Variants in SUSD1 observed in about 807,000 individuals in gnomAD.
The protein encoded by SUSD1 is sushi domain-containing protein 1.
SUSD1 carries 65 observed loss-of-function variants against 86.9 expected under a neutral mutation model. The ratio of observed to expected loss-of-function variants is 0.75; its 90% CI spans 0.61 to 0.92. SUSD1 has a LOEUF of 0.92. Among genes scored for constraint, SUSD1 ranks in the 40% least tolerant of loss-of-function variants. SUSD1 has a pLI of 0.00. For missense variants in SUSD1, 850 were observed against 929.7 expected (o/e 0.91, Z 1.11); for synonymous variants, 346 against 350.0 (o/e 0.99, Z 0.13).
chr9:112,174,851 G>C (rs1834200210), intron 1 of SUSD1, among the ~76,000 whole-genome samples: 2 of 151,930 alleles, frequency 1.3e-5, no homozygotes, highest in Non-Finnish European at 2.9e-5. Context: ...CCCGCCTCCT[G>C]GGCAGTGGAG....
chr9:112,155,767 C>G (rs946366496), intron 2 of SUSD1, among the ~76,000 whole-genome samples: 1 of 151,416 alleles, frequency 6.6e-6, no homozygotes, highest in Non-Finnish European at 1.5e-5. Context: ...CTCAAGACCA[C>G]CCCGGGCAAT....
At chr9:112,089,344 T>C (rs1428520538) in intron 10 of SUSD1, among the ~76,000 whole-genome samples, 1 of 150,030 alleles carries the variant, frequency 6.7e-6, no homozygotes, top group Non-Finnish European at 1.5e-5. Flanking sequence ...TAGGATGGAG[T>C]TGAAACTATA....
intron 15 of SUSD1, among the ~76,000 whole-genome samples, chr9:112,047,610 T>G (rs1028197506): frequency 1.3e-5 from 2 of 152,178 alleles, no homozygotes; most frequent in African/African-American, 4.8e-5. Context: ...TGGGAACTAT[T>G]TGGGTCATGG....
At chr9:112,139,590 A>G (rs1415411431) in intron 5 of SUSD1, among the ~76,000 whole-genome samples, 1 of 151,942 alleles carries the variant, frequency 6.6e-6, no homozygotes, top group East Asian at 1.9e-4. Flanking sequence ...GACTATAGGC[A>G]TGCACCACCA....
At chr9:112,111,182 T>G (rs1183427030) in intron 8 of SUSD1, among the ~76,000 whole-genome samples, 1 of 152,112 alleles carries the variant, frequency 6.6e-6, no homozygotes, top group Non-Finnish European at 1.5e-5. Context: ...TCAGTAGAGA[T>G]AAGGTTTTGC....
At chr9:112,102,587 T>G (rs1353696498) in intron 8 of SUSD1, among the ~76,000 whole-genome samples, 1 of 152,176 alleles carries the variant, frequency 6.6e-6, no homozygotes, top group East Asian at 1.9e-4. Flanking sequence ...TGCTATAAAT[T>G]AATAAAGAAA....
intron 5 of SUSD1, among the ~76,000 whole-genome samples, chr9:112,129,102 C>T (rs1831905373): frequency 6.6e-6 from 1 of 151,906 alleles, no homozygotes; most frequent in Non-Finnish European, 1.5e-5. Flanking sequence ...AGCAGTAGTC[C>T]AACAGAGAGA....
intron 11 of SUSD1, 98 bp downstream of exon 11, chr9:112,079,976 A>T: frequency 1.2e-6 from 1 of 813,800 alleles, no homozygotes; most frequent in Non-Finnish European, 2.1e-6. Flanking sequence ...GTCTACTGAT[A>T]ATGATAGTTA....
At chr9:112,097,276 A>T (rs576329262) in intron 10 of SUSD1, among the ~76,000 whole-genome samples, 18 of 152,024 alleles carry the variant, frequency 1.2e-4, no homozygotes, top group African/African-American at 4.3e-4. Context: ...CAGTGAGCCA[A>T]GATGGCACCT....
intron 10 of SUSD1, among the ~76,000 whole-genome samples, chr9:112,092,076 T>C (rs1830227288): frequency 6.6e-6 from 1 of 152,214 alleles, no homozygotes; most frequent in Non-Finnish European, 1.5e-5. Flanking sequence ...AATTGCTCCC[T>C]GGGTACTTAT....
intron 15 of SUSD1, among the ~76,000 whole-genome samples, chr9:112,049,572 T>A (rs1828101955): frequency 6.6e-6 from 1 of 152,220 alleles, no homozygotes; most frequent in Non-Finnish European, 1.5e-5. Flanking sequence ...GTAAATAGCA[T>A]AATTTGTCAC....
chr9:112,096,496 T>C (rs3849120), intron 10 of SUSD1, among the ~76,000 whole-genome samples: 63,722 of 151,984 alleles, frequency 0.42, 13,580 homozygotes, highest in East Asian at 0.55. Flanking sequence ...GGGGACTTCA[T>C]GCCTTTACAT....
intron 5 of SUSD1, among the ~76,000 whole-genome samples, chr9:112,128,787 CA>C (rs1831889648): frequency 6.6e-6 from 1 of 152,050 alleles, no homozygotes; most frequent in South Asian, 2.1e-4. Flanking sequence ...AGAACCAATG[CA>C]AAGACCCTGA....
intron 5 of SUSD1, among the ~76,000 whole-genome samples, chr9:112,133,006 A>G (rs559759211): frequency 2.0e-5 from 3 of 152,248 alleles, no homozygotes; most frequent in Non-Finnish European, 2.9e-5. Flanking sequence ...GGCTGGGCGC[A>G]GTAGCTCACT....
At chr9:112,154,132 G>A (rs1396605364) in intron 2 of SUSD1, among the ~76,000 whole-genome samples, 1 of 151,926 alleles carries the variant, frequency 6.6e-6, no homozygotes, top group Non-Finnish European at 1.5e-5. Flanking sequence ...ATCGTTATAT[G>A]GCACATGACT....
At chr9:112,077,742 A>G (rs752083014) in intron 12 of SUSD1, among the ~76,000 whole-genome samples, 31 of 151,546 alleles carry the variant, frequency 2.0e-4, no homozygotes, top group Non-Finnish European at 3.5e-4. Context: ...TCCTCACATG[A>G]TCAACCCTCC....
rs140845830 is a variant in SUSD1, at chr9:112,090,712, G to T, written c.1474+7758C>A. Among the ~76,000 whole-genome samples, 380 of 152,206 alleles carry T rather than the reference G, an allele frequency of 2.5e-3. 1 individual carries two copies. Among genetic ancestry groups the T allele is most frequent in the African/African-American group, 8.8e-3 (364 of 41,540 alleles). On this transcript the variant is annotated intron_variant, in intron 10 of 16. Coordinates refer to ENST00000374270, the MANE Select transcript of SUSD1 (RefSeq NM_022486.5). ...GGAAGGGGTAGAAGTGCAAGAAAGA[G>T]AAAAATTTGAAATTATATCAAATTT...
At chr9:112,153,093 T>C (rs1183490963) in intron 2 of SUSD1, among the ~76,000 whole-genome samples, 3 of 151,810 alleles carry the variant, frequency 2.0e-5, no homozygotes, top group African/African-American at 7.3e-5. Context: ...TAATGAGACC[T>C]TGTCTCTGCA....
chr9:112,041,799 T>C (rs761674697), intron 16 of SUSD1, 68 bp downstream of exon 16: 146 of 1,486,122 alleles, frequency 9.8e-5, no homozygotes, highest in Non-Finnish European at 1.3e-4. Flanking sequence ...TCCCCAGCTG[T>C]TCTTCGTGAC....
Sources: gnomAD v4.1 joint callset for allele counts (sites outside exome capture counted in the v4.1 genomes callset) on GRCh38, gnomAD v4.1.1 for gene constraint, MANE v1.5 for transcripts, NCBI Gene and HGNC (gene_info 2026-07-23, HGNC 2026-07-21) for gene names.